TTN: variants seen among roughly 807,000 people sequenced by gnomAD.
TTN encodes titin.
TTN carries 1,525 observed loss-of-function variants against 3,223.0 expected under a neutral mutation model. The observed-to-expected ratio is 0.47, with a 90% CI of 0.45 to 0.49. The LOEUF (loss-of-function observed/expected upper bound fraction) is 0.49, where lower values mean the gene tolerates loss of function less well. TTN is among the 20% of genes least tolerant of loss of function. TTN has a pLI of 0.00. For missense variants in TTN, 40,786 were observed against 43,424.0 expected, an observed-to-expected ratio of 0.94 and a Z score of 5.40; for synonymous variants, 14,094 against 15,161.0, an observed-to-expected ratio of 0.93 and a Z score of 5.17.
chr2:178,536,902 T>C lies in TTN; in HGVS notation c.100171+36A>G, dbSNP rs755932487. On this transcript the variant is annotated intron_variant, in intron 356 of 362. Transcript: ENST00000589042. ...AGAATTTTATGCAAAGATGGAACTT[T>C]ACCATAGGAAGATACAGAAATCAAG... The C allele has an allele frequency of 3.3e-6, 5 of 1,515,454 alleles. No homozygotes were observed. The Admixed American group carries it at 8.5e-5, about 26-fold the overall frequency. The allele number at this position is 1,515,454 out of a possible 1,614,324, so 93.9% of individuals were successfully genotyped here.
Position 178,725,856 on chromosome 2 carries a change from A to C in TTN, c.20466T>G (p.Asn6822Lys). ...KNFHTSIHIL[N>K]VDTSDIGEYH... Reference sequence around the variant, plus strand: ...ATTCACCGATGTCTGAAGTGTCCACATTGAGAATGTGAATACTTGTGTGGA... The same window carrying C: ...ATTCACCGATGTCTGAAGTGTCCACCTTGAGAATGTGAATACTTGTGTGGA... The change falls in exon 70 of 363, where the codon AAT (asparagine) becomes AAG (lysine). Residue 6822 changes from asparagine (N) to lysine (K), a missense_variant. Coordinates refer to ENST00000589042, the MANE Select transcript of TTN (RefSeq NM_001267550.2). The C allele has an allele frequency of 1.2e-6, 2 of 1,613,336 alleles. No individual in the cohort carries two copies. The highest frequency in any genetic ancestry group is 1.7e-6 in the Non-Finnish European group (2 of 1,179,516).
chr2:178,737,012 G>T (rs991329010), intron 49 of TTN, among the ~76,000 whole-genome samples: 2 of 152,004 alleles, frequency 1.3e-5, no homozygotes, highest in African/African-American at 4.8e-5. Context: ...TCCAAGTATG[G>T]CTTGACTGTA....
chr2:178,604,614 G>A (rs2054339641), intron 281 of TTN, 94 bp downstream of exon 281: 1 of 1,351,978 alleles, frequency 7.4e-7, no homozygotes. Flanking sequence ...GTGGTTTTGA[G>A]TTTAATTATC....
chr2:178,775,448 C>G lies in TTN; in HGVS notation c.6416G>C (p.Arg2139Thr), dbSNP rs1250660325. The change falls in exon 28 of 363, where the codon AGA becomes ACA. Residue 2139 changes from arginine to threonine, a missense_variant. Physicochemically the swap from Arg to Thr is moderately conservative, Grantham distance 71. Transcript: ENST00000589042. ...PEDNVCELVI[R>T]DVTAEDSASI... Reference sequence around the variant, plus strand: ...GGCAGAGTCCTCAGCAGTCACATCTCTTATGACCAATTCACAAACATTGTC... The same window carrying G: ...GGCAGAGTCCTCAGCAGTCACATCTGTTATGACCAATTCACAAACATTGTC... 6.2e-7 allele frequency: 1 copy of G among 1,613,890 alleles called. No homozygotes were observed. The highest frequency in any genetic ancestry group is 1.7e-5 in the Admixed American group (1 of 59,972).
chr2:178,804,482 T>C, intron 2 of TTN, 70 bp downstream of exon 2: 1 of 1,491,876 alleles, frequency 6.7e-7, no homozygotes, highest in Non-Finnish European at 9.3e-7. Context: ...CGTCAAGTCC[T>C]GCAGCAACGT....
chr2:178,798,310 C>T (rs554859055), intron 6 of TTN, among the ~76,000 whole-genome samples: 6 of 152,116 alleles, frequency 3.9e-5, no homozygotes, highest in Admixed American at 1.3e-4. Context: ...TTTTTCATTT[C>T]ATCATATTAA....
At chr2:178,624,884 T>C (rs1022161678) in intron 241 of TTN, among the ~76,000 whole-genome samples, 153 bp from the exon 242 acceptor site, 1 of 152,004 alleles carries the variant, frequency 6.6e-6, no homozygotes, top group African/African-American at 2.4e-5. Context: ...CCTCTAAAAA[T>C]GATATTTTAT....
intron 47 of TTN, among the ~76,000 whole-genome samples, 158 bp from the exon 48 acceptor site, chr2:178,742,079 A>T (rs2082594132): frequency 6.6e-6 from 1 of 151,996 alleles, no homozygotes; most frequent in Non-Finnish European, 1.5e-5. Context: ...ACATTTCTAA[A>T]TTTTTCTTAG....
chr2:178,551,572 A>G, intron 335 of TTN, 58 bp downstream of exon 335: 7 of 1,378,562 alleles, frequency 5.1e-6, no homozygotes, highest in Non-Finnish European at 5.9e-6. Context: ...TCCTTGATAT[A>G]TTTGTTTCTA....
chr2:178,622,898 G>A, intron 242 of TTN, 131 bp from the exon 243 acceptor site: 3 of 712,548 alleles, frequency 4.2e-6, no homozygotes, highest in Non-Finnish European at 7.1e-6. Flanking sequence ...AACTGACTTT[G>A]AAATCACTTG....
At chr2:178,635,817 G>A in intron 226 of TTN, 102 bp from the exon 227 acceptor site, 1 of 1,512,592 alleles carries the variant, frequency 6.6e-7, no homozygotes, top group Non-Finnish European at 8.9e-7. Flanking sequence ...CACAATACTG[G>A]GCATAATTAA....
In TTN at chr2:178,533,933, C is replaced by T; in HGVS notation, c.102682G>A (p.Gly34228Ser). ...TAATAGTCATAGACTTCTCTCACAC[C>T]TTTAACAAATAGCTCTGCATAAGAA... Reference protein sequence around the residue: ...DSSYAELFVKGVREVYDYYCR... With the variant: ...DSSYAELFVKSVREVYDYYCR... The change falls in exon 358 of 363, where the codon GGT becomes AGT. Residue 34228 changes from glycine (G) to serine (S), a missense_variant. Coordinates refer to ENST00000589042, the MANE Select transcript of TTN (RefSeq NM_001267550.2). 1 of 1,613,858 alleles carries T rather than the reference C, an allele frequency of 6.2e-7. No individual in the cohort carries two copies. Among genetic ancestry groups the T allele is most frequent in the Non-Finnish European group, 8.5e-7 (1 of 1,179,858 alleles).
chr2:178,777,037 G>C lies in TTN; in HGVS notation c.4827C>G (p.Thr1609=). ...HKYPKIRIEG[T]KGEAALKIDS... is the part of the protein sequence containing the mutation. ...CGATTTTAAGGGCAGCTTCTCCCTTGGTTCCTTCAATTCTATAAAAAGTTG... is the reference window on the plus strand; with the variant it reads ...CGATTTTAAGGGCAGCTTCTCCCTTCGTTCCTTCAATTCTATAAAAAGTTG... Residue 1609 remains threonine, a synonymous_variant, in exon 28 of 363, where the codon ACC becomes ACG. Transcript: ENST00000589042. 1 of 1,613,956 alleles carries C rather than the reference G, an allele frequency of 6.2e-7. No homozygotes were observed. Among genetic ancestry groups the C allele is most frequent in the Middle Eastern group, 1.6e-4 (1 of 6,062 alleles).
rs974349342 is a variant in TTN, at chr2:178,757,466, C to T, written c.10678+76G>A. 3.9e-5 allele frequency: 57 copies of T among 1,464,122 alleles called. No homozygotes were observed. The Middle Eastern group carries it at 1.4e-3, about 36-fold the overall frequency. The allele number at this position is 1,464,122 out of a possible 1,614,324, so 90.7% of individuals were successfully genotyped here. A position where few individuals can be genotyped will look rare whatever the true frequency, so the allele number is the denominator to read the frequency against. On this transcript the variant is annotated intron_variant, in intron 45 of 362. Coordinates refer to ENST00000589042, the MANE Select transcript of TTN (RefSeq NM_001267550.2). Reference sequence around the variant, plus strand: ...CCACAGTATGCAATAAAACAAACAGCAGAGACTCTCATTAGTAACAGTGGG... The same window carrying T: ...CCACAGTATGCAATAAAACAAACAGTAGAGACTCTCATTAGTAACAGTGGG...
In TTN at chr2:178,672,064, C is replaced by CTTCAACTCTATGTTG; in HGVS notation, c.35119_35133dup (p.Gln11707_Glu11711dup). ...TGAACTTTTTCAACTCTGTGTTCTT[C>CTTCAACTCTATGTTG]TTCAACTCTATGTTGTTCTAATTTG... On this transcript the variant is annotated inframe_insertion, in exon 155 of 363. Coordinates refer to ENST00000589042, the MANE Select transcript of TTN (RefSeq NM_001267550.2). The CTTCAACTCTATGTTG allele has an allele frequency of 6.2e-7, 1 of 1,611,660 alleles. No homozygotes were observed.
At chr2:178,549,960 G>C (rs1467539372) in intron 337 of TTN, 26 bp downstream of exon 337, 7 of 1,579,878 alleles carry the variant, frequency 4.4e-6, no homozygotes, top group Admixed American at 3.5e-5. Context: ...ATAAATTGTA[G>C]CATTAAGAAG....
Position 178,621,624 on chromosome 2 carries a change from T to A in TTN, c.45200A>T (p.Asp15067Val). The A allele has an allele frequency of 1.9e-6, 3 of 1,612,502 alleles. No homozygotes were observed. Among genetic ancestry groups the A allele is most frequent in the Non-Finnish European group, 1.7e-6 (2 of 1,179,084 alleles). The change falls in exon 245 of 363, where the codon GAT becomes GTT. Residue 15067 changes from aspartate (D) to valine (V), a missense_variant. Coordinates refer to ENST00000589042, the MANE Select transcript of TTN (RefSeq NM_001267550.2). ...PGAEVIWYKG[D>V]EEIIETGRYE... ...TCTTCCTGTTTCAATGATCTCCTCA[T>A]CCCCTTTATACCAAATCACTTCTGC...
chr2:178,665,755 T>G lies in TTN; in HGVS notation c.35912A>C (p.Glu11971Ala). The change falls in exon 164 of 363, where the codon GAA becomes GCA. Residue 11971 changes from glutamate (E) to alanine (A), a missense_variant. Transcript: ENST00000589042. ...TTCAAGGGGAGCAGCCATGGGTGTT[T>G]CCTTTACAGGGACAATTTCTCGAGG... The part of the protein sequence containing the change: ...ESPREIVPVK[E>A]TPMAAPLEIE... The G allele has an allele frequency of 7.6e-7, 1 of 1,308,136 alleles. No individual in the cohort carries two copies. Among genetic ancestry groups the G allele is most frequent in the African/African-American group, 1.5e-5 (1 of 66,786 alleles). The allele number at this position is 1,308,136 out of a possible 1,614,324, so 81.0% of individuals were successfully genotyped here.
chr2:178,610,500 T>G (rs1289298287), intron 270 of TTN, 111 bp from the exon 271 acceptor site: 1 of 1,157,246 alleles, frequency 8.6e-7, no homozygotes, highest in African/African-American at 1.6e-5. Flanking sequence ...ATCTTTGATG[T>G]GCTGGAGTGT....
Sources: allele counts gnomAD v4.1 joint callset (sites outside exome capture counted in the v4.1 genomes callset), GRCh38; gene constraint gnomAD v4.1.1; transcripts MANE v1.5; gene names NCBI Gene and HGNC (gene_info 2026-07-23, HGNC 2026-07-21).